The following MRTFB variants were observed in gnomAD, a reference collection of about 807,000 sequenced individuals.
The protein encoded by MRTFB is myocardin related transcription factor B, also known as myocardin-related transcription factor B.
In MRTFB, 29 loss-of-function variants were observed where a neutral mutation model predicts 104.2. The observed-to-expected ratio is 0.28, with a 90% CI of 0.21 to 0.38. MRTFB has a LOEUF of 0.38. Among genes scored for constraint, MRTFB ranks in the 10% least tolerant of loss-of-function variants. The pLI, the probability that MRTFB is intolerant of heterozygous loss-of-function variation, is 1.00. For synonymous variants in MRTFB, 535 were observed against 519.5 expected, an observed-to-expected ratio of 1.03 and a Z score of -0.41; for missense variants, 1,270 against 1,341.6, an observed-to-expected ratio of 0.95 and a Z score of 0.83.
At chr16:14,045,268 A>G in the MRTFB span, among the ~76,000 whole-genome samples, 3 of 152,170 alleles carry the variant, frequency 2.0e-5, no homozygotes, top group African/African-American at 7.2e-5. Context: ...AGAACGTCAC[A>G]TGGAAAATGA....
chr16:14,110,307 C>T (rs1436710088), intron 2 of MRTFB, among the ~76,000 whole-genome samples: 2 of 152,136 alleles, frequency 1.3e-5, no homozygotes, highest in Non-Finnish European at 2.9e-5. Flanking sequence ...GAGTTTTTGA[C>T]AGTGCGAGTT....
intron 2 of MRTFB, among the ~76,000 whole-genome samples, chr16:14,107,071 T>A (rs1170643252): frequency 6.6e-6 from 1 of 151,688 alleles, no homozygotes; most frequent in Non-Finnish European, 1.5e-5. Flanking sequence ...AGAAAAAAAA[T>A]TTAATAGAAA....
At chr16:14,140,236 CT>C (rs2037923981) in intron 2 of MRTFB, among the ~76,000 whole-genome samples, 1 of 152,202 alleles carries the variant, frequency 6.6e-6, no homozygotes, top group African/African-American at 2.4e-5. Flanking sequence ...CATTTGTTGA[CT>C]GTCTTTTCAT....
chr16:14,104,063 TAGA>T (rs1309609936), intron 2 of MRTFB, among the ~76,000 whole-genome samples: 1 of 152,210 alleles, frequency 6.6e-6, no homozygotes, highest in Non-Finnish European at 1.5e-5. Context: ...CCCTACTTCA[TAGA>T]TGACAGTTTC....
intron 13 of MRTFB, among the ~76,000 whole-genome samples, chr16:14,250,734 A>G (rs377300038): frequency 1.3e-5 from 2 of 152,172 alleles, no homozygotes; most frequent in African/African-American, 2.4e-5. Flanking sequence ...CAGGGGGTCT[A>G]TGCCGCAAGG....
chr16:14,243,101 A>T (rs2042847823), intron 10 of MRTFB, among the ~76,000 whole-genome samples: 1 of 152,196 alleles, frequency 6.6e-6, no homozygotes, highest in Non-Finnish European at 1.5e-5. Flanking sequence ...AATGAAAATA[A>T]GGTGGAGAAA....
rs866754503 is a variant in MRTFB at position 14,140,664 on chromosome 16, G to T, written c.58G>T (p.Ala20Ser). Reference protein sequence around the residue: ...EDEVGPLAHLAPSPQSEAVAH... With the variant: ...EDEVGPLAHLSPSPQSEAVAH... ...TGAAGTGGGACCTTTAGCCCATCTT[G>T]CTCCAAGTCCTCAGAGTGAAGCTGT... Residue 20 changes from alanine (A) to serine (S), a missense_variant, in exon 3 of 17, where the codon GCT becomes TCT. By Grantham distance (99) the Ala-to-Ser change is moderately conservative (BLOSUM62 1). Around this residue, in one of 3 missense-constraint regions of MRTFB, gnomAD observed 62 missense variants for 57.2 expected, o/e 1.08. Transcript: ENST00000571589. 2 of 1,614,184 alleles carry T rather than the reference G, an allele frequency of 1.2e-6. No individual in the cohort carries two copies. Among genetic ancestry groups the T allele is most frequent in the Non-Finnish European group, 8.5e-7 (1 of 1,180,036 alleles).
intron 8 of MRTFB, among the ~76,000 whole-genome samples, chr16:14,229,443 T>C (rs1362169838): frequency 6.6e-6 from 1 of 152,224 alleles, no homozygotes; most frequent in African/African-American, 2.4e-5. Context: ...GCATCCTAAA[T>C]TAAAAACATT....
chr16:14,213,203 G>T (rs2041271454), intron 5 of MRTFB, among the ~76,000 whole-genome samples: 1 of 152,066 alleles, frequency 6.6e-6, no homozygotes, highest in African/African-American at 2.4e-5. Context: ...ATTTTTACTG[G>T]ACCTGAAGTA....
chr16:14,188,680 G>A (rs936924722), intron 3 of MRTFB, among the ~76,000 whole-genome samples: 8 of 152,082 alleles, frequency 5.3e-5, no homozygotes, highest in African/African-American at 1.9e-4. Flanking sequence ...CATTTACCGG[G>A]TCTGTGATCC....
chr16:14,056,390 T>C, the MRTFB span, among the ~76,000 whole-genome samples: 1 of 152,336 alleles, frequency 6.6e-6, no homozygotes, highest in Non-Finnish European at 1.5e-5. Context: ...TATGGACTCA[T>C]GGGTATTTAT....
intron 3 of MRTFB, among the ~76,000 whole-genome samples, chr16:14,150,314 T>C (rs1276420079): frequency 2.6e-5 from 4 of 152,182 alleles, no homozygotes; most frequent in Non-Finnish European, 5.9e-5. Flanking sequence ...TTTATTAGTA[T>C]GTATATTTTG....
intron 3 of MRTFB, chr16:14,148,668 A>G (rs1270258955): frequency 6.6e-6 from 1 of 152,558 alleles, no homozygotes; most frequent in African/African-American, 2.4e-5. Flanking sequence ...TATTGACAGG[A>G]AGTGTAGTCT....
chr16:14,101,365 C>T (rs2035694424), intron 2 of MRTFB, among the ~76,000 whole-genome samples: 1 of 152,126 alleles, frequency 6.6e-6, no homozygotes, highest in African/African-American at 2.4e-5. Context: ...TGAGGAGTGG[C>T]ATGAGGAGAG....
intron 2 of MRTFB, among the ~76,000 whole-genome samples, chr16:14,082,874 A>T (rs1348489892): frequency 6.6e-6 from 1 of 151,904 alleles, no homozygotes; most frequent in Non-Finnish European, 1.5e-5. Context: ...AAACTTCAGG[A>T]TTTTTTTTCT....
intron 2 of MRTFB, among the ~76,000 whole-genome samples, chr16:14,094,534 A>G (rs376025040): frequency 3.9e-5 from 6 of 152,310 alleles, no homozygotes; most frequent in East Asian, 3.9e-4. Flanking sequence ...AATCTTGTTT[A>G]TGCTCCCTAT....
the MRTFB span, among the ~76,000 whole-genome samples, chr16:14,060,354 C>G: frequency 1.3e-5 from 2 of 152,096 alleles, no homozygotes; most frequent in East Asian, 3.9e-4. Context: ...AGCCTATGCA[C>G]CCAGTCTTGG....
chr16:14,024,287 A>G, the MRTFB span, among the ~76,000 whole-genome samples: 3 of 152,230 alleles, frequency 2.0e-5, no homozygotes, highest in Non-Finnish European at 2.9e-5. Context: ...TTTTCATTAC[A>G]TAAGTCATCA....
At chr16:14,225,679 T>C (rs1187786257) in intron 8 of MRTFB, among the ~76,000 whole-genome samples, 2 of 152,128 alleles carry the variant, frequency 1.3e-5, no homozygotes, top group Non-Finnish European at 2.9e-5. Flanking sequence ...CATTCATTCA[T>C]TCATTCATTC....
Sources: allele counts gnomAD v4.1 joint callset (sites outside exome capture counted in the v4.1 genomes callset), GRCh38; gene constraint gnomAD v4.1.1; regional missense constraint gnomAD v4.1.1; transcripts MANE v1.5; gene names NCBI Gene and HGNC (gene_info 2026-07-23, HGNC 2026-07-21).